Variants in CDCP1 observed in about 807,000 individuals in gnomAD.
The protein encoded by CDCP1 is CUB domain containing protein 1.
In CDCP1, 29 loss-of-function variants were observed where a neutral mutation model predicts 60.2. The observed-to-expected ratio is 0.48, with a 90% CI of 0.36 to 0.66. The LOEUF is 0.66. Among genes scored for constraint, CDCP1 ranks in the 30% least tolerant of loss-of-function variants. The pLI is 0.00. For synonymous variants in CDCP1, 387 were observed against 431.1 expected (o/e 0.90, Z 1.27); for missense variants, 876 against 1,074.3 (o/e 0.82, Z 2.58).
At chr3:45,138,386 T>G (rs1385597603) in intron 1 of CDCP1, among the ~76,000 whole-genome samples, 2 of 152,166 alleles carry the variant, frequency 1.3e-5, no homozygotes, top group African/African-American at 4.8e-5. Flanking sequence ...TGTCTCCCAC[T>G]AGAGACCTGG....
At chr3:45,125,428 C>T (rs969448101) in intron 1 of CDCP1, among the ~76,000 whole-genome samples, 3 of 152,202 alleles carry the variant, frequency 2.0e-5, no homozygotes, top group Non-Finnish European at 2.9e-5. Flanking sequence ...CTTCCTTGGG[C>T]AAATTCCTTA....
chr3:45,086,536 C>A (rs977234360), intron 8 of CDCP1, among the ~76,000 whole-genome samples: 1 of 152,168 alleles, frequency 6.6e-6, no homozygotes, highest in Non-Finnish European at 1.5e-5. Context: ...CTGGGAAAAG[C>A]TCTGACCATC....
intron 4 of CDCP1, among the ~76,000 whole-genome samples, chr3:45,108,704 C>CAT (rs72251852): frequency 2.2e-5 from 3 of 138,834 alleles, no homozygotes; most frequent in African/African-American, 5.2e-5. Context: ...TGCATGTATA[C>CAT]ATATATATAT....
chr3:45,092,581 C>A (rs992680028), intron 6 of CDCP1, among the ~76,000 whole-genome samples: 3 of 152,280 alleles, frequency 2.0e-5, no homozygotes, highest in Admixed American at 6.5e-5. Flanking sequence ...GATTCTTCTC[C>A]CTCCCACTCA....
rs370669535 is a variant in CDCP1, at chr3:45,122,103, ATTC to A, written c.83-3485_83-3483del. On this transcript the variant is annotated intron_variant, in intron 1 of 8. Coordinates refer to ENST00000296129, the MANE Select transcript of CDCP1 (RefSeq NM_022842.5). ...AATAATTCTGGGTATATGGCAAGGT[ATTC>A]TTTTATAATGACAGTCAAAGAAAAA... 1.8e-4 allele frequency among the ~76,000 whole-genome samples: 27 copies of A among 150,988 alleles called. No homozygotes were observed. In the East Asian group the frequency reaches 4.7e-3, roughly 26 times the overall value.
At chr3:45,103,874 C>T (rs1337576594) in intron 4 of CDCP1, among the ~76,000 whole-genome samples, 3 of 152,218 alleles carry the variant, frequency 2.0e-5, no homozygotes, top group East Asian at 3.8e-4. Flanking sequence ...AAATAAATCT[C>T]TTTTCTTTAT....
At chr3:45,111,849 A>G (rs1465582199) in intron 3 of CDCP1, among the ~76,000 whole-genome samples, 1 of 152,170 alleles carries the variant, frequency 6.6e-6, no homozygotes, top group Non-Finnish European at 1.5e-5. Flanking sequence ...ATTTTTTTGA[A>G]AACAAGTATC....
intron 4 of CDCP1, among the ~76,000 whole-genome samples, chr3:45,103,278 G>A (rs1231131307): frequency 1.3e-5 from 2 of 152,126 alleles, no homozygotes; most frequent in African/African-American, 2.4e-5. Flanking sequence ...GCAGAATGAT[G>A]TTTTTAGGGC....
At position 45,091,031 on chromosome 3, in the gene CDCP1, G is replaced by T; in HGVS notation, c.1993+142C>A. The T allele has an allele frequency of 1.1e-6, 1 of 894,862 alleles. No homozygotes were observed. Among genetic ancestry groups the T allele is most frequent in the Non-Finnish European group, 1.7e-6 (1 of 595,616 alleles). The allele number at this position is 894,862 out of a possible 1,614,324, so 55.4% of individuals were successfully genotyped here. ...ATGTTCTGGGATGGTTTGTTACTCA[G>T]CACTATTGATGCAATAGCTGACTGA... On this transcript the variant is annotated intron_variant, in intron 7 of 8. Coordinates refer to ENST00000296129, the MANE Select transcript of CDCP1 (RefSeq NM_022842.5). The surrounding 1 kb of genome is among the most constrained non-coding windows in gnomAD (Gnocchi z 4.8).
intron 4 of CDCP1, among the ~76,000 whole-genome samples, chr3:45,108,997 T>C (rs1159408976): frequency 7.1e-6 from 1 of 140,748 alleles, no homozygotes; most frequent in Non-Finnish European, 1.5e-5. Flanking sequence ...TCACCCAGGC[T>C]GGAGTGCAGT....
intron 1 of CDCP1, among the ~76,000 whole-genome samples, chr3:45,141,296 T>C (rs1217240612): frequency 6.6e-6 from 1 of 152,204 alleles, no homozygotes; most frequent in Non-Finnish European, 1.5e-5. Flanking sequence ...ACAAAGCAAC[T>C]GTTTGCAAAC....
chr3:45,137,652 CAAAA>C (rs55725243), intron 1 of CDCP1, among the ~76,000 whole-genome samples: 41 of 118,138 alleles, frequency 3.5e-4, no homozygotes, highest in African/African-American at 1.3e-3. Flanking sequence ...ATTAAAAATA[CAAAA>C]AAAAAAAAAA....
chr3:45,102,840 G>A (rs1040697909), intron 4 of CDCP1, among the ~76,000 whole-genome samples: 3 of 151,842 alleles, frequency 2.0e-5, no homozygotes, highest in African/African-American at 7.3e-5. Context: ...GCTATTTTTT[G>A]TAGAGACAGG....
At chr3:45,108,600 G>A (rs974926847) in intron 4 of CDCP1, among the ~76,000 whole-genome samples, 1 of 151,212 alleles carries the variant, frequency 6.6e-6, no homozygotes, top group African/African-American at 2.4e-5. Context: ...AAATCCTTTT[G>A]TGGCTGTTTT....
chr3:45,103,463 G>T (rs1193247169), intron 4 of CDCP1, among the ~76,000 whole-genome samples: 4 of 152,196 alleles, frequency 2.6e-5, no homozygotes, highest in Admixed American at 2.6e-4. Context: ...AAGTGTTTGA[G>T]TAGACACATA....
chr3:45,111,636 C>CT, intron 3 of CDCP1, among the ~76,000 whole-genome samples: 1 of 152,222 alleles, frequency 6.6e-6, no homozygotes, highest in Non-Finnish European at 1.5e-5. Flanking sequence ...GACAGTGCCA[C>CT]TGCACTCCAG....
chr3:45,089,185 G>A, intron 7 of CDCP1, 44 bp from the exon 8 acceptor site: 1 of 1,524,226 alleles, frequency 6.6e-7, no homozygotes, highest in African/African-American at 1.4e-5. Flanking sequence ...GGCAGCTGGG[G>A]TGAGCTCTGC....
intron 4 of CDCP1, among the ~76,000 whole-genome samples, chr3:45,106,923 C>A (rs1048811662): frequency 6.6e-6 from 1 of 152,184 alleles, no homozygotes; most frequent in African/African-American, 2.4e-5. Flanking sequence ...TCTTTCTCAC[C>A]TCCAAGGCTA....
chr3:45,095,213 C>T lies in CDCP1; in HGVS notation c.1246+134G>A, dbSNP rs764917888. 9.8e-5 allele frequency: 74 copies of T among 755,380 alleles called. 1 individual carries two copies. Among genetic ancestry groups the T allele is most frequent in the Admixed American group, 3.3e-4 (14 of 42,668 alleles). 46.8% of individuals were successfully genotyped at this position (755,380 alleles called of 1,614,324 possible). A position where few individuals can be genotyped will look rare whatever the true frequency, so the allele number is the denominator to read the frequency against. Reference sequence around the variant, plus strand: ...CCTCCCAAAGTGCTGGGATTACAGGCGTGAGCCATCGTGCCCGGCCAGATG... The same window carrying T: ...CCTCCCAAAGTGCTGGGATTACAGGTGTGAGCCATCGTGCCCGGCCAGATG... On this transcript the variant is annotated intron_variant, in intron 5 of 8. Coordinates refer to ENST00000296129, the MANE Select transcript of CDCP1 (RefSeq NM_022842.5).
Sources: gnomAD v4.1 joint callset for allele counts (sites outside exome capture counted in the v4.1 genomes callset) on GRCh38, gnomAD v4.1.1 for gene constraint, Gnocchi (gnomAD v3.1) non-coding constraint, MANE v1.5 for transcripts, NCBI Gene and HGNC (gene_info 2026-07-23, HGNC 2026-07-21) for gene names.